FILIP1L: variants seen among roughly 807,000 people sequenced by gnomAD.
FILIP1L encodes filamin A-interacting protein 1-like.
FILIP1L carries 55 observed loss-of-function variants against 96.6 expected under a neutral mutation model. The ratio of observed to expected loss-of-function variants is 0.57; its 90% CI spans 0.46 to 0.71. FILIP1L has a LOEUF of 0.71. Among genes scored for constraint, FILIP1L ranks in the 30% least tolerant of loss-of-function variants. FILIP1L has a pLI of 0.00. For synonymous variants in FILIP1L, 467 were observed against 473.9 expected (o/e 0.99, Z 0.19); for missense variants, 1,304 against 1,321.2 (o/e 0.99, Z 0.20).
chr3:99,926,297 C>T (rs2107656710), intron 3 of FILIP1L, among the ~76,000 whole-genome samples: 1 of 152,330 alleles, frequency 6.6e-6, no homozygotes, highest in African/African-American at 2.4e-5. Flanking sequence ...TTCATTATGC[C>T]ATACAATTGT....
chr3:99,934,669 C>A (rs762469081), intron 1 of FILIP1L, among the ~76,000 whole-genome samples: 7 of 152,176 alleles, frequency 4.6e-5, no homozygotes, highest in African/African-American at 1.4e-4. Context: ...TAGCTTAAGG[C>A]AGCCCTGAGC....
intron 1 of FILIP1L, chr3:100,009,998 GTA>G (rs1710097893): frequency 1.3e-5 from 2 of 156,762 alleles, no homozygotes; most frequent in Admixed American, 6.6e-5. Flanking sequence ...TCCTGATCTG[GTA>G]TAGTTTCTGT....
At chr3:99,949,256 T>C (rs1282271287) in intron 1 of FILIP1L, among the ~76,000 whole-genome samples, 6 of 152,234 alleles carry the variant, frequency 3.9e-5, no homozygotes, top group Admixed American at 2.0e-4. Flanking sequence ...AAAAAAACTT[T>C]AGGCTGGTTT....
chr3:99,930,174 A>G, intron 2 of FILIP1L, 145 bp from the exon 3 acceptor site: 1 of 678,860 alleles, frequency 1.5e-6, no homozygotes, highest in Non-Finnish European at 2.4e-6. Context: ...ATAAAAGGTA[A>G]CAAAACTATA....
intron 4 of FILIP1L, among the ~76,000 whole-genome samples, chr3:99,897,625 G>T (rs879373103): frequency 1.3e-5 from 2 of 152,160 alleles, no homozygotes; most frequent in Non-Finnish European, 2.9e-5. Context: ...TCGTGTATTT[G>T]AGGAGAAATC....
Position 100,062,093 on chromosome 3 carries a change from C to CTTTTTTTTTTTTTT in FILIP1L, c.-11+51946_-11+51959dup, listed in dbSNP as rs71907944. 9.6e-4 allele frequency among the ~76,000 whole-genome samples: 51 copies of CTTTTTTTTTTTTTT among 53,178 alleles called. 14 individuals carry two copies. The highest frequency in any genetic ancestry group is 2.1e-3 in the East Asian group (4 of 1,940). 34.9% of individuals were successfully genotyped at this position (53,178 alleles called of 152,430 possible). On this transcript the variant is annotated intron_variant, in intron 1 of 5. Transcript: ENST00000477258. Reference sequence around the variant, plus strand: ...CCACTTGTGGTTATCCTGTCTTCTTCTTTTTTTTTTTTTTTTTTTTTTTTT... The same window carrying CTTTTTTTTTTTTTT: ...CCACTTGTGGTTATCCTGTCTTCTTCTTTTTTTTTTTTTTTTTTTTTTTTTTTTTTTTTTTTTTT...
At chr3:99,991,119 C>T (rs1168135651) in intron 1 of FILIP1L, among the ~76,000 whole-genome samples, 1 of 152,176 alleles carries the variant, frequency 6.6e-6, no homozygotes, top group Non-Finnish European at 1.5e-5. Flanking sequence ...CCCATCTCCC[C>T]CCATAATGGA....
chr3:99,852,224 A>G (rs1943731341), intron 4 of FILIP1L, among the ~76,000 whole-genome samples: 1 of 152,214 alleles, frequency 6.6e-6, no homozygotes, highest in Non-Finnish European at 1.5e-5. Flanking sequence ...ACTGTTATAC[A>G]GAAGCTAAAA....
intron 4 of FILIP1L, among the ~76,000 whole-genome samples, chr3:99,882,334 G>A (rs1705756276): frequency 6.6e-6 from 1 of 151,980 alleles, no homozygotes; most frequent in Admixed American, 6.6e-5. Context: ...CTTTTGTCTG[G>A]CAACTTCTTC....
rs79668434 is a variant in FILIP1L, at chr3:99,851,258, T to C, written c.606-188A>G. Among the ~76,000 whole-genome samples the C allele has an allele frequency of 7.4e-3, 1,125 of 152,348 alleles. 60 individuals carry two copies. The East Asian group carries it at 0.13, about 18-fold the overall frequency. ...TTGATAAAGTTATCTTGCTTTTTTA[T>C]TTGACTACCATTGATCAGTAACAGC... On this transcript the variant is annotated intron_variant, in intron 4 of 5. Transcript: ENST00000477258.
At chr3:99,871,181 C>A (rs1477004644) in intron 4 of FILIP1L, among the ~76,000 whole-genome samples, 1 of 152,174 alleles carries the variant, frequency 6.6e-6, no homozygotes, top group East Asian at 1.9e-4. Context: ...CTTGACTTAA[C>A]CTGAGCCTAA....
At chr3:100,113,498 A>C (rs549836257) in intron 1 of FILIP1L, among the ~76,000 whole-genome samples, 1 of 152,340 alleles carries the variant, frequency 6.6e-6, no homozygotes, top group African/African-American at 2.4e-5. Flanking sequence ...TTAAATCTTA[A>C]CATCAACAGA....
chr3:100,056,153 T>C (rs573788888), intron 1 of FILIP1L, among the ~76,000 whole-genome samples: 3 of 152,332 alleles, frequency 2.0e-5, no homozygotes, highest in South Asian at 2.1e-4. Flanking sequence ...GAAAGCTACA[T>C]AGGTGCATTT....
chr3:99,842,126 A>G (rs1015487652), intron 5 of FILIP1L, among the ~76,000 whole-genome samples: 1 of 152,200 alleles, frequency 6.6e-6, no homozygotes, highest in Non-Finnish European at 1.5e-5. Flanking sequence ...AATGTGGTAT[A>G]TATACACCAT....
At chr3:100,062,175 G>A (rs1232620792) in intron 1 of FILIP1L, among the ~76,000 whole-genome samples, 6 of 129,680 alleles carry the variant, frequency 4.6e-5, no homozygotes, top group East Asian at 2.5e-4. Flanking sequence ...GCAGTGGCGC[G>A]ATCTTGGCTC....
intron 1 of FILIP1L, among the ~76,000 whole-genome samples, chr3:99,989,396 C>A (rs1453934274): frequency 6.6e-6 from 1 of 152,136 alleles, no homozygotes; most frequent in African/African-American, 2.4e-5. Flanking sequence ...ACTATCACTT[C>A]CCATTCTAGT....
chr3:100,015,208 T>C (rs1191996535), intron 1 of FILIP1L, among the ~76,000 whole-genome samples: 5 of 152,106 alleles, frequency 3.3e-5, no homozygotes, highest in African/African-American at 4.8e-5. Flanking sequence ...ACCCTAAAGA[T>C]GTGGATTAAT....
intron 4 of FILIP1L, 151 bp from the exon 5 acceptor site, chr3:99,851,221 CAG>C: frequency 1.7e-6 from 1 of 597,238 alleles, no homozygotes; most frequent in Non-Finnish European, 2.7e-6. Flanking sequence ...AATTTGATGA[CAG>C]AGGAAAATCT....
At chr3:100,100,967 A>ATAT (rs2066294004) in intron 1 of FILIP1L, among the ~76,000 whole-genome samples, 1 of 152,122 alleles carries the variant, frequency 6.6e-6, no homozygotes, top group Non-Finnish European at 1.5e-5. Context: ...TAGCCCAGGT[A>ATAT]TATGGAGAAC....
Sources: gnomAD v4.1 joint callset for allele counts (sites outside exome capture counted in the v4.1 genomes callset) on GRCh38, gnomAD v4.1.1 for gene constraint, MANE v1.5 for transcripts, NCBI Gene and HGNC (gene_info 2026-07-23, HGNC 2026-07-21) for gene names.